Variants in PCDH15 observed in about 807,000 individuals in gnomAD.
PCDH15 encodes the protein protocadherin-15.
A neutral mutation model predicts 178.5 loss-of-function variants in PCDH15; 129 were observed. The ratio of observed to expected loss-of-function variants is 0.72; its 90% CI spans 0.63 to 0.84. The LOEUF (loss-of-function observed/expected upper bound fraction) is 0.84. PCDH15 is among the 40% of genes least tolerant of loss of function. The pLI is 0.00. For missense variants in PCDH15, 2,230 were observed against 2,099.9 expected, an observed-to-expected ratio of 1.06 and a Z score of -1.21; for synonymous variants, 800 against 732.0, an observed-to-expected ratio of 1.09 and a Z score of -1.50.
intron 2 of PCDH15, among the ~76,000 whole-genome samples, chr10:55,073,864 C>A (rs113098824): frequency 2.0e-5 from 3 of 151,930 alleles, no homozygotes; most frequent in African/African-American, 2.4e-5. Context: ...CTTGCTCCCC[C>A]CCATCTCCCC....
At chr10:55,119,934 A>C (rs1837723346) in intron 2 of PCDH15, among the ~76,000 whole-genome samples, 1 of 152,156 alleles carries the variant, frequency 6.6e-6, no homozygotes, top group Non-Finnish European at 1.5e-5. Context: ...TAAAATATGC[A>C]AGAAAGCCAC....
At chr10:55,150,878 T>C (rs1402042088) in intron 2 of PCDH15, among the ~76,000 whole-genome samples, 1 of 152,132 alleles carries the variant, frequency 6.6e-6, no homozygotes, top group Non-Finnish European at 1.5e-5. Flanking sequence ...ATTTTGAAGC[T>C]GTTTAATACT....
At position 55,473,082 on chromosome 10, in the gene PCDH15, T is replaced by C. The variant is rs186217407; in HGVS notation, c.-156+154543A>G. On this transcript the variant is annotated intron_variant, in intron 2 of 5. Coordinates refer to the PCDH15 transcript ENST00000613346. ...AGAATATAAATAGTGAAACACAAAT[T>C]TGGAAAGTCCTGAGTTATACAAATG... 2.5e-3 allele frequency among the ~76,000 whole-genome samples: 375 copies of C among 152,254 alleles called. 1 individual carries two copies. Among genetic ancestry groups the C allele is most frequent in the African/African-American group, 8.4e-3 (349 of 41,548 alleles).
At chr10:54,552,758 G>A (rs933551622) in intron 2 of PCDH15, among the ~76,000 whole-genome samples, 1 of 152,114 alleles carries the variant, frequency 6.6e-6, no homozygotes, top group Non-Finnish European at 1.5e-5. Flanking sequence ...GTGGGTTGAA[G>A]TCCACTAATA....
At chr10:54,091,735 T>G (rs2094604059) in intron 15 of PCDH15, among the ~76,000 whole-genome samples, 1 of 152,238 alleles carries the variant, frequency 6.6e-6, no homozygotes, top group East Asian at 1.9e-4. Flanking sequence ...GACATCATAT[T>G]GTCCTGCTTT....
chr10:54,660,529 A>G (rs1223810529), intron 2 of PCDH15, among the ~76,000 whole-genome samples: 1 of 152,152 alleles, frequency 6.6e-6, no homozygotes, highest in South Asian at 2.1e-4. Context: ...AAACTTTACC[A>G]GACATAGAAA....
chr10:54,971,627 C>T (rs1334020179), intron 2 of PCDH15, among the ~76,000 whole-genome samples: 7 of 152,076 alleles, frequency 4.6e-5, no homozygotes, highest in Middle Eastern at 3.2e-3. Context: ...AAGTGTGAAA[C>T]GTATTTTGGC....
At chr10:55,474,796 T>C (rs61851154) in intron 2 of PCDH15, among the ~76,000 whole-genome samples, 19,825 of 152,076 alleles carry the variant, frequency 0.13, 1,392 homozygotes, top group Middle Eastern at 0.21. Context: ...AACACATATG[T>C]TTTTCTTTTT....
chr10:55,376,240 A>G (rs1837391970), intron 2 of PCDH15, among the ~76,000 whole-genome samples: 1 of 152,018 alleles, frequency 6.6e-6, no homozygotes, highest in African/African-American at 2.4e-5. Context: ...TTAATTTTCT[A>G]TTTTGTGAAG....
intron 2 of PCDH15, among the ~76,000 whole-genome samples, chr10:54,908,423 A>G: frequency 6.6e-6 from 1 of 152,136 alleles, no homozygotes; most frequent in Admixed American, 6.6e-5. Flanking sequence ...GGAACTGCAG[A>G]GCCCTAAATA....
intron 6 of PCDH15, among the ~76,000 whole-genome samples, chr10:54,334,426 GGGT>G (rs1373230955): frequency 6.6e-6 from 1 of 152,070 alleles, no homozygotes; most frequent in Non-Finnish European, 1.5e-5. Flanking sequence ...TTACTAATAT[GGGT>G]TTGCACCAGT....
At position 54,447,413 on chromosome 10, in the gene PCDH15, G is replaced by C. The variant is rs151291246; in HGVS notation, c.158-68471C>G. ...TTTCCCCCATGCCCTAGCTTCTGAT[G>C]ATGACCAATTAACTCTCTGTTTCTA... On this transcript the variant is annotated intron_variant, in intron 3 of 37. Transcript: ENST00000644397. 1.2e-3 allele frequency among the ~76,000 whole-genome samples: 180 copies of C among 151,694 alleles called. 1 individual carries two copies. Among genetic ancestry groups the C allele is most frequent in the African/African-American group, 3.8e-3 (159 of 41,456 alleles).
chr10:54,911,729 G>C (rs1954822054), intron 2 of PCDH15, among the ~76,000 whole-genome samples: 1 of 152,136 alleles, frequency 6.6e-6, no homozygotes, highest in Non-Finnish European at 1.5e-5. Flanking sequence ...GATAGTGAGA[G>C]AGCTCTCATG....
At chr10:54,467,403 T>C (rs1408655616) in intron 3 of PCDH15, among the ~76,000 whole-genome samples, 2 of 151,900 alleles carry the variant, frequency 1.3e-5, no homozygotes, top group Admixed American at 6.6e-5. Context: ...TCTATTAAGA[T>C]GATGATAAGA....
rs140211792 is a variant in PCDH15 at position 55,285,520 on chromosome 10, C to T, written c.-156+34079G>A. 2.2e-3 allele frequency among the ~76,000 whole-genome samples: 331 copies of T among 151,450 alleles called. 2 individuals carry two copies. Among genetic ancestry groups the T allele is most frequent in the African/African-American group, 6.6e-3 (273 of 41,422 alleles). On this transcript the variant is annotated intron_variant, in intron 1 of 5. Coordinates refer to the PCDH15 transcript ENST00000458638. ...TGATGATATTTAACTTAGTAAGTCC[C>T]CTTTTATTAGAACTATAGGATGTTC... is the stretch of plus-strand genomic sequence containing the variant.
At chr10:55,096,434 C>T (rs1030620685) in intron 2 of PCDH15, among the ~76,000 whole-genome samples, 5 of 151,976 alleles carry the variant, frequency 3.3e-5, no homozygotes, top group Non-Finnish European at 7.4e-5. Flanking sequence ...AAATGATTAC[C>T]ACGATCAAGC....
rs771313944 is a variant in PCDH15 at position 54,195,908 on chromosome 10, G to A, written c.1099-19C>T. ...GTTCAGCCTAAAATTGAAAAGAAAA[G>A]AAAATATTTAGAAAGTATATGTCGT... On this transcript the variant is annotated intron_variant, in intron 10 of 37. Transcript: ENST00000644397. 1.2e-6 allele frequency: 2 copies of A among 1,601,490 alleles called. No individual in the cohort carries two copies. Among genetic ancestry groups the A allele is most frequent in the Non-Finnish European group, 1.7e-6 (2 of 1,169,108 alleles).
At chr10:55,537,348 A>G (rs1322098125) in intron 2 of PCDH15, among the ~76,000 whole-genome samples, 1 of 152,122 alleles carries the variant, frequency 6.6e-6, no homozygotes, top group Non-Finnish European at 1.5e-5. Context: ...TTCATTCTAT[A>G]TAGTTACACA....
intron 2 of PCDH15, among the ~76,000 whole-genome samples, chr10:55,477,979 A>G (rs1005086481): frequency 1.3e-5 from 2 of 151,904 alleles, no homozygotes; most frequent in Non-Finnish European, 2.9e-5. Context: ...ACTGAAATTG[A>G]CAGATGGAAA....
Sources: gnomAD v4.1 joint callset for allele counts (sites outside exome capture counted in the v4.1 genomes callset) on GRCh38, gnomAD v4.1.1 for gene constraint, MANE v1.5 for transcripts, NCBI Gene and HGNC (gene_info 2026-07-23, HGNC 2026-07-21) for gene names.